PAPPA2: variants seen among roughly 807,000 people sequenced by gnomAD.
PAPPA2 encodes the protein pappalysin-2.
A neutral mutation model predicts 176.4 loss-of-function variants in PAPPA2; 86 were observed. That is an observed-to-expected ratio of 0.49 (90% CI 0.41 to 0.58). The LOEUF (loss-of-function observed/expected upper bound fraction) is 0.58. Among genes scored for constraint, PAPPA2 ranks in the 20% least tolerant of loss-of-function variants. The pLI, the probability that PAPPA2 is intolerant of heterozygous loss-of-function variation, is 0.00. For missense variants in PAPPA2, 2,073 were observed against 2,256.9 expected (o/e 0.92, Z 1.65); for synonymous variants, 809 against 852.2 (o/e 0.95, Z 0.88).
chr1:176,712,052 T>C, intron 12 of PAPPA2, 71 bp downstream of exon 12: 1 of 1,517,544 alleles, frequency 6.6e-7, no homozygotes, highest in East Asian at 2.3e-5. Context: ...TGTGTGTGTG[T>C]GTGTGTAAAT....
chr1:176,717,236 A>G (rs1228087635), intron 12 of PAPPA2, among the ~76,000 whole-genome samples: 5 of 152,110 alleles, frequency 3.3e-5, no homozygotes, highest in African/African-American at 1.2e-4. Flanking sequence ...GAAACAGCCT[A>G]CAGTGAAGAA....
chr1:176,499,565 T>C (rs911434532), intron 1 of PAPPA2, among the ~76,000 whole-genome samples: 6 of 152,042 alleles, frequency 3.9e-5, no homozygotes, highest in Admixed American at 1.3e-4. Flanking sequence ...TTCTGTGGAG[T>C]GTATTTATGA....
chr1:176,818,607 GC>G (rs748579289), intron 21 of PAPPA2, among the ~76,000 whole-genome samples: 33 of 83,598 alleles, frequency 3.9e-4, no homozygotes, highest in Non-Finnish European at 5.0e-4. Context: ...CTGACCCACT[GC>G]CCCCCTGGTA....
intron 14 of PAPPA2, among the ~76,000 whole-genome samples, chr1:176,743,090 C>T (rs1662757578): frequency 6.6e-6 from 1 of 152,110 alleles, no homozygotes; most frequent in East Asian, 1.9e-4. Flanking sequence ...CTACTAACAA[C>T]ACAGAATACG....
At chr1:176,775,169 C>T (rs1664402011) in intron 17 of PAPPA2, among the ~76,000 whole-genome samples, 1 of 152,164 alleles carries the variant, frequency 6.6e-6, no homozygotes, top group East Asian at 1.9e-4. Flanking sequence ...GATCTGGTTA[C>T]TCATCTATAT....
chr1:176,525,523 C>T (rs546506650), intron 1 of PAPPA2, among the ~76,000 whole-genome samples: 62 of 152,146 alleles, frequency 4.1e-4, no homozygotes, highest in African/African-American at 1.3e-3. Flanking sequence ...GGAAAAATGC[C>T]GGTATGACTA....
intron 4 of PAPPA2, among the ~76,000 whole-genome samples, chr1:176,687,059 G>A (rs1288534017): frequency 6.6e-6 from 1 of 152,090 alleles, no homozygotes; most frequent in East Asian, 1.9e-4. Flanking sequence ...GCAATATTTT[G>A]TTCTATATTT....
intron 4 of PAPPA2, among the ~76,000 whole-genome samples, chr1:176,674,984 G>A (rs556539386): frequency 6.6e-6 from 1 of 152,080 alleles, no homozygotes; most frequent in East Asian, 1.9e-4. Context: ...TCTTGCAGGA[G>A]TAATGTGGTA....
intron 1 of PAPPA2, among the ~76,000 whole-genome samples, chr1:176,490,086 A>G (rs887070926): frequency 6.6e-6 from 1 of 151,912 alleles, no homozygotes; most frequent in Non-Finnish European, 1.5e-5. Flanking sequence ...GGGCCATGTT[A>G]CTTTTAGAGT....
intron 1 of PAPPA2, among the ~76,000 whole-genome samples, chr1:176,502,080 CA>C (rs1284529402): frequency 6.6e-6 from 1 of 152,300 alleles, no homozygotes; most frequent in East Asian, 1.9e-4. Context: ...TGACACTTCT[CA>C]TTTAATGTAG....
rs771071320 is a variant in PAPPA2 at position 176,671,094 on chromosome 1, A to C, written c.2116A>C (p.Lys706Gln). The part of the protein sequence containing the change: ...LAGAATWPWD[K>Q]DAVTHLGGIV... ...AGGTGCTGCCACCTGGCCTTGGGACAAGGACGCTGTCACTCACCTGGGTAA... is the reference window on the plus strand; with the variant it reads ...AGGTGCTGCCACCTGGCCTTGGGACCAGGACGCTGTCACTCACCTGGGTAA... Residue 706 changes from lysine (K) to glutamine (Q), a missense_variant, in exon 4 of 23, where the codon AAG becomes CAG. This residue lies in a region of PAPPA2 where 1,196 missense variants were observed against 1,330.4 expected (regional missense o/e 0.90). Transcript: ENST00000367662. 6.8e-6 allele frequency: 11 copies of C among 1,613,830 alleles called. No individual in the cohort carries two copies. In the Admixed American group the frequency reaches 1.8e-4, roughly 27 times the overall value.
At chr1:176,817,085 C>T (rs116432544) in intron 21 of PAPPA2, among the ~76,000 whole-genome samples, 1,826 of 152,188 alleles carry the variant, frequency 0.012, 11 homozygotes, top group Non-Finnish European at 0.017. Flanking sequence ...ATGTTCTAAG[C>T]GCTAGGGGAT....
At chr1:176,703,163 C>T (rs189965005) in intron 9 of PAPPA2, among the ~76,000 whole-genome samples, 3 of 152,246 alleles carry the variant, frequency 2.0e-5, no homozygotes, top group Admixed American at 6.5e-5. Flanking sequence ...ATTCTGCTAA[C>T]GAGGTGTGTG....
Position 176,679,641 on chromosome 1 carries a change from G to A in PAPPA2, c.2137+8526G>A, listed in dbSNP as rs957537000. ...TGACCCAAGGGCAGCTGGTCTATGTGCTAAGCAGTTGTCTGCAAGGAAGGC... is the reference window on the plus strand; with the variant it reads ...TGACCCAAGGGCAGCTGGTCTATGTACTAAGCAGTTGTCTGCAAGGAAGGC... On this transcript the variant is annotated intron_variant, in intron 4 of 22. Transcript: ENST00000367662. Among the ~76,000 whole-genome samples, 7 of 152,162 alleles carry A rather than the reference G, an allele frequency of 4.6e-5. 1 individual carries two copies. Among genetic ancestry groups the A allele is most frequent in the Admixed American group, 2.6e-4 (4 of 15,278 alleles).
chr1:176,547,452 A>T (rs1374020547), intron 1 of PAPPA2, among the ~76,000 whole-genome samples: 1 of 152,166 alleles, frequency 6.6e-6, no homozygotes, highest in African/African-American at 2.4e-5. Context: ...TTTGTAGACT[A>T]TCCTTGTGTG....
At chr1:176,481,773 C>T (rs536470855) in intron 1 of PAPPA2, among the ~76,000 whole-genome samples, 3 of 152,324 alleles carry the variant, frequency 2.0e-5, no homozygotes, top group East Asian at 1.9e-4. Flanking sequence ...GCCGCGATCT[C>T]GGCTCACTGC....
intron 20 of PAPPA2, among the ~76,000 whole-genome samples, chr1:176,797,209 A>G (rs1665481929): frequency 6.6e-6 from 1 of 152,226 alleles, no homozygotes; most frequent in Non-Finnish European, 1.5e-5. Flanking sequence ...TTGGAGGGAC[A>G]TATATAGGAG....
rs1268173548 is a variant in PAPPA2, at chr1:176,556,253, C to T, written c.-70C>T. 45 of 1,498,890 alleles carry T rather than the reference C, an allele frequency of 3.0e-5. No homozygotes were observed. The highest frequency in any genetic ancestry group is 6.2e-5 in the Admixed American group (3 of 48,522). 92.8% of individuals were successfully genotyped at this position (1,498,890 alleles called of 1,614,324 possible). A position where few individuals can be genotyped will look rare whatever the true frequency, so the allele number is the denominator to read the frequency against. ...AATCCATTGCTAGCTGCCTCTTTCT[C>T]GTCTGCCCATCACTCTGGTGTGGTA... On this transcript the variant is annotated 5_prime_UTR_variant, in exon 2 of 23. Coordinates refer to ENST00000367662, the MANE Select transcript of PAPPA2 (RefSeq NM_020318.3).
At chr1:176,535,093 A>G (rs1457932456) in intron 1 of PAPPA2, among the ~76,000 whole-genome samples, 1 of 152,190 alleles carries the variant, frequency 6.6e-6, no homozygotes, top group African/African-American at 2.4e-5. Flanking sequence ...AGCTTCCTAC[A>G]GGGTGGAGAA....
Sources: allele counts gnomAD v4.1 joint callset (sites outside exome capture counted in the v4.1 genomes callset), GRCh38; gene constraint gnomAD v4.1.1; regional missense constraint gnomAD v4.1.1; transcripts MANE v1.5; gene names NCBI Gene and HGNC (gene_info 2026-07-23, HGNC 2026-07-21).